Variants in PRSS23 observed in about 807,000 individuals in gnomAD.
PRSS23 encodes protease, serine 23.
PRSS23 carries 25 observed loss-of-function variants against 34.7 expected under a neutral mutation model. The ratio of observed to expected loss-of-function variants is 0.72; its 90% CI spans 0.53 to 1.01. PRSS23 has a LOEUF of 1.01. Among genes scored for constraint, PRSS23 ranks in the 50% least tolerant of loss-of-function variants. PRSS23 has a pLI of 0.00. For synonymous variants in PRSS23, 176 were observed against 186.6 expected (o/e 0.94, Z 0.46); for missense variants, 445 against 475.6 (o/e 0.94, Z 0.60).
chr11:86,796,483 T>C (rs1056643883), upstream of PRSS23, among the ~76,000 whole-genome samples: 4 of 150,838 alleles, frequency 2.7e-5, no homozygotes, highest in South Asian at 8.4e-4. Context: ...CTACTAAAAA[T>C]ACAAAAAATT....
At chr11:86,816,024 T>C (rs1948213152), downstream of PRSS23, among the ~76,000 whole-genome samples, 1 of 152,166 alleles carries the variant, frequency 6.6e-6, no homozygotes, top group South Asian at 2.1e-4. Context: ...TAGAGAAGTT[T>C]AGTTTTCTTA....
chr11:86,879,297 C>A (rs192913621), intron 2 of PRSS23, among the ~76,000 whole-genome samples: 2 of 144,504 alleles, frequency 1.4e-5, no homozygotes, highest in Admixed American at 6.8e-5. Flanking sequence ...AGGTGAGGAG[C>A]GTCTCTGCCC....
intron 1 of PRSS23, among the ~76,000 whole-genome samples, chr11:86,803,974 G>A (rs1948070547): frequency 6.6e-6 from 1 of 152,072 alleles, no homozygotes; most frequent in Admixed American, 6.6e-5. Context: ...CAATGGTCCT[G>A]AGAAGTAAAT....
intron 2 of PRSS23, among the ~76,000 whole-genome samples, chr11:86,838,035 G>A (rs1185382153): frequency 2.0e-5 from 3 of 151,984 alleles, no homozygotes; most frequent in African/African-American, 7.3e-5. Flanking sequence ...CTAGCCAAGG[G>A]AAGCCGTGAC....
intron 2 of PRSS23, among the ~76,000 whole-genome samples, chr11:86,862,494 CTGTGA>C: frequency 6.6e-6 from 1 of 151,944 alleles, no homozygotes; most frequent in Non-Finnish European, 1.5e-5. Context: ...GGTGTACACT[CTGTGA>C]TAATATTCGT....
chr11:86,903,941 G>A (rs943523736), intron 2 of PRSS23, among the ~76,000 whole-genome samples: 3 of 151,106 alleles, frequency 2.0e-5, no homozygotes, highest in Non-Finnish European at 4.4e-5. Context: ...GCATAGGCAG[G>A]GTAAGCAATA....
chr11:86,845,192 C>T (rs1948477777), intron 2 of PRSS23, among the ~76,000 whole-genome samples: 1 of 151,910 alleles, frequency 6.6e-6, no homozygotes, highest in South Asian at 2.1e-4. Flanking sequence ...TAGATTTTTA[C>T]TTTTGCTATC....
intron 2 of PRSS23, among the ~76,000 whole-genome samples, chr11:86,926,188 C>T (rs1949080174): frequency 6.6e-6 from 1 of 152,086 alleles, no homozygotes; most frequent in African/African-American, 2.4e-5. Flanking sequence ...TATGGTGAAA[C>T]CCCGTCTCCA....
intron 2 of PRSS23, among the ~76,000 whole-genome samples, chr11:86,856,364 G>C (rs1245969468): frequency 1.3e-5 from 2 of 151,036 alleles, no homozygotes; most frequent in African/African-American, 4.9e-5. Context: ...ACAGGTGCAA[G>C]TAAATCGGAA....
intron 2 of PRSS23, among the ~76,000 whole-genome samples, chr11:86,927,164 G>A (rs781485786): frequency 3.3e-5 from 5 of 152,168 alleles, no homozygotes; most frequent in Non-Finnish European, 7.3e-5. Context: ...CTGGAGTCAC[G>A]TGGTGCAGAG....
chr11:86,798,807 C>T (rs1446979781), upstream of PRSS23, among the ~76,000 whole-genome samples: 1 of 152,158 alleles, frequency 6.6e-6, no homozygotes, highest in Non-Finnish European at 1.5e-5. Context: ...ATCCTCCCAC[C>T]TCAGCCTCCC....
At chr11:86,884,798 G>A (rs1339521008) in intron 2 of PRSS23, among the ~76,000 whole-genome samples, 2 of 152,110 alleles carry the variant, frequency 1.3e-5, no homozygotes, top group Non-Finnish European at 2.9e-5. Flanking sequence ...TATTGAACAT[G>A]CCATGTGTCA....
chr11:86,843,101 C>G (rs1948460691), intron 2 of PRSS23, among the ~76,000 whole-genome samples: 1 of 152,092 alleles, frequency 6.6e-6, no homozygotes, highest in Admixed American at 6.6e-5. Context: ...GAACAGAGGC[C>G]TCAGAAATAA....
chr11:86,863,368 G>C (rs1029746737), intron 2 of PRSS23, among the ~76,000 whole-genome samples: 4 of 151,992 alleles, frequency 2.6e-5, no homozygotes, highest in Admixed American at 6.6e-5. Flanking sequence ...TCCTTGAGGA[G>C]AGAACTTCAG....
chr11:86,837,435 T>C (rs774814128), intron 2 of PRSS23: 1 of 152,266 alleles, frequency 6.6e-6, no homozygotes, highest in East Asian at 1.9e-4. Flanking sequence ...TCATGTAAGA[T>C]ATAACTTCTG....
chr11:86,814,894 T>C (rs905028569), downstream of PRSS23, among the ~76,000 whole-genome samples: 2 of 152,226 alleles, frequency 1.3e-5, no homozygotes, highest in African/African-American at 2.4e-5. Flanking sequence ...AGGGTGACTC[T>C]TCACTGTGGT....
intron 2 of PRSS23, among the ~76,000 whole-genome samples, chr11:86,827,468 A>T (rs955965196): frequency 5.9e-5 from 9 of 152,014 alleles, no homozygotes; most frequent in African/African-American, 2.2e-4. Context: ...TAATTTTTTG[A>T]AGGGATTTTT....
At chr11:86,856,064 T>C (rs1211944809) in intron 2 of PRSS23, among the ~76,000 whole-genome samples, 2 of 152,196 alleles carry the variant, frequency 1.3e-5, no homozygotes, top group Admixed American at 1.3e-4. Flanking sequence ...CATTTTATTC[T>C]TTTCTATTTC....
At chr11:86,902,103 G>T (rs1181969873) in intron 2 of PRSS23, among the ~76,000 whole-genome samples, 2 of 152,178 alleles carry the variant, frequency 1.3e-5, no homozygotes, top group Non-Finnish European at 2.9e-5. Context: ...ATGATGGATA[G>T]ATGGGAGTGT....
Sources: gnomAD v4.1 joint callset for allele counts (sites outside exome capture counted in the v4.1 genomes callset) on GRCh38, gnomAD v4.1.1 for gene constraint, MANE v1.5 for transcripts, NCBI Gene and HGNC (gene_info 2026-07-23, HGNC 2026-07-21) for gene names.